The following AAK1 variants were observed in gnomAD, a reference collection of about 807,000 sequenced individuals.
The protein encoded by AAK1 is AP2 associated kinase 1.
A neutral mutation model predicts 116.0 loss-of-function variants in AAK1; 37 were observed. The ratio of observed to expected loss-of-function variants is 0.32; its 90% CI spans 0.25 to 0.42. The LOEUF (loss-of-function observed/expected upper bound fraction) is 0.42, where lower values mean the gene tolerates loss of function less well. Ranked by LOEUF, AAK1 falls within the 10% of genes least tolerant of loss-of-function variation. AAK1 has a pLI of 1.00. For missense variants in AAK1, 919 were observed against 1,170.6 expected (o/e 0.79, Z 3.14); for synonymous variants, 458 against 439.9 (o/e 1.04, Z -0.51).
At position 69,477,005 on chromosome 2, in the gene AAK1, CAAGTACACAAGCAGA is replaced by C. The variant is rs1674880701; in HGVS notation, c.2681-30_2681-16del. ...ATCTTCTGCAGCTTAATACAGAATGCAAGTACACAAGCAGAAACAACAGAGGCAGAGATTAGCAAA... is the reference window on the plus strand; with the variant it reads ...ATCTTCTGCAGCTTAATACAGAATGCAACAACAGAGGCAGAGATTAGCAAA... On this transcript the variant is annotated splice_polypyrimidine_tract_variant and intron_variant, in intron 20 of 21. Coordinates refer to ENST00000409085, the MANE Select transcript of AAK1 (RefSeq NM_014911.5). 6.4e-7 allele frequency: 1 copy of C among 1,557,284 alleles called. No individual in the cohort carries two copies. The highest frequency in any genetic ancestry group is 1.4e-5 in the African/African-American group (1 of 73,902).
intron 21 of AAK1, 33 bp downstream of exon 21, chr2:69,476,847 A>T (rs375265642): frequency 6.6e-7 from 1 of 1,519,700 alleles, no homozygotes; most frequent in Non-Finnish European, 9.1e-7. Context: ...AACTGAGGCC[A>T]AGCTCTTCTC....
intron 8 of AAK1, 41 bp from the exon 9 acceptor site, chr2:69,527,360 G>T: frequency 7.8e-7 from 1 of 1,288,344 alleles, no homozygotes; most frequent in Non-Finnish European, 1.1e-6. Flanking sequence ...TATTCCAACA[G>T]TTATTACACT....
chr2:69,544,240 A>AGTAGT, intron 4 of AAK1, 196 bp downstream of exon 4: 2 of 510,718 alleles, frequency 3.9e-6, no homozygotes, highest in South Asian at 7.0e-5. Context: ...ACAAAAATGG[A>AGTAGT]GTTCTATATT....
intron 3 of AAK1, among the ~76,000 whole-genome samples, chr2:69,555,218 T>G (rs945141513): frequency 1.3e-5 from 2 of 152,176 alleles, no homozygotes; most frequent in African/African-American, 4.8e-5. Flanking sequence ...AGAACAGGAA[T>G]CTGGAGCTAT....
At chr2:69,616,451 G>GTA (rs1253516282) in intron 2 of AAK1, among the ~76,000 whole-genome samples, 4 of 152,006 alleles carry the variant, frequency 2.6e-5, no homozygotes, top group African/African-American at 9.7e-5. Flanking sequence ...TCAAAGTAAA[G>GTA]TATATATAAA....
chr2:69,628,238 A>C (rs1466835534), intron 2 of AAK1, among the ~76,000 whole-genome samples: 1 of 151,208 alleles, frequency 6.6e-6, no homozygotes, highest in Non-Finnish European at 1.5e-5. Context: ...TTAAAACCAG[A>C]AGTTTGAGAC....
At chr2:69,502,391 G>A (rs1021529859) in intron 16 of AAK1, among the ~76,000 whole-genome samples, 1 of 152,030 alleles carries the variant, frequency 6.6e-6, no homozygotes, top group Non-Finnish European at 1.5e-5. Context: ...GGAGGCTGAG[G>A]CGGGAGGATC....
chr2:69,589,296 T>C (rs541882324), intron 2 of AAK1, among the ~76,000 whole-genome samples: 1 of 152,034 alleles, frequency 6.6e-6, no homozygotes, highest in African/African-American at 2.4e-5. Flanking sequence ...TATTGGACTC[T>C]GAAGCCGGGT....
chr2:69,540,777 A>C (rs1185315501), intron 5 of AAK1, among the ~76,000 whole-genome samples: 1 of 152,214 alleles, frequency 6.6e-6, no homozygotes, highest in Non-Finnish European at 1.5e-5. Context: ...TTCAAAACAT[A>C]TGTCCACACA....
Position 69,470,379 on chromosome 2 carries a change from A to G in AAK1, c.*5490T>C, listed in dbSNP as rs758053885. On this transcript the variant is annotated 3_prime_UTR_variant, in exon 22 of 22. Transcript: ENST00000409085. ...AAACTGGGGAAATCAAGAGACGTAC[A>G]TCAAACTAATAATTACCATGACCTT... The G allele has an allele frequency of 7.4e-5, 73 of 985,346 alleles. No homozygotes were observed. Among genetic ancestry groups the G allele is most frequent in the Non-Finnish European group, 8.7e-5 (72 of 829,942 alleles). 61.0% of individuals were successfully genotyped at this position (985,346 alleles called of 1,614,324 possible).
intron 2 of AAK1, among the ~76,000 whole-genome samples, chr2:69,633,882 T>C (rs1271062853): frequency 6.6e-6 from 1 of 151,944 alleles, no homozygotes; most frequent in East Asian, 1.9e-4. Context: ...AACAATGTTA[T>C]GAGAGGGCCG....
chr2:69,584,614 C>A (rs1019158825), intron 2 of AAK1, among the ~76,000 whole-genome samples: 4 of 152,166 alleles, frequency 2.6e-5, no homozygotes, highest in South Asian at 2.1e-4. Context: ...AACGTTACAT[C>A]ACATGACATG....
At position 69,468,674 on chromosome 2, in the gene AAK1, T is replaced by C; in HGVS notation, c.*7195A>G. 1.5e-5 allele frequency: 15 copies of C among 985,392 alleles called. No individual in the cohort carries two copies. The highest frequency in any genetic ancestry group is 1.8e-5 in the Non-Finnish European group (15 of 829,922). The allele number at this position is 985,392 out of a possible 1,614,324, so 61.0% of individuals were successfully genotyped here. ...TTTAAACTGAATTCAGTTAAAACAA[T>C]TTGTGCACAGAGACTGGCAAAAAAG... On this transcript the variant is annotated 3_prime_UTR_variant, in exon 22 of 22. Transcript: ENST00000409085.
At chr2:69,571,721 T>G (rs1213587750) in intron 2 of AAK1, among the ~76,000 whole-genome samples, 1 of 152,192 alleles carries the variant, frequency 6.6e-6, no homozygotes, top group African/African-American at 2.4e-5. Context: ...AAAACAGTAC[T>G]TGCATTAGTA....
chr2:69,533,025 C>T (rs990023310), intron 5 of AAK1, among the ~76,000 whole-genome samples: 23 of 151,986 alleles, frequency 1.5e-4, no homozygotes, highest in African/African-American at 3.1e-4. Context: ...ACTAGTATGC[C>T]GGAGGACAGA....
At chr2:69,500,666 T>TATATATATATA (rs1675932586) in intron 16 of AAK1, among the ~76,000 whole-genome samples, 1 of 68,984 alleles carries the variant, frequency 1.4e-5, no homozygotes, top group Non-Finnish European at 2.5e-5. Flanking sequence ...TCCCTTAAAA[T>TATATATATATA]ATATATATAT....
rs562997162 is a variant in AAK1 at position 69,471,761 on chromosome 2, C to G, written c.*4108G>C. ...AGTGCAGATCCCTCCACATCATAGG[C>G]TGTCAGCCCCAAAGATCCCTTCATT... On this transcript the variant is annotated 3_prime_UTR_variant, in exon 22 of 22. Coordinates refer to ENST00000409085, the MANE Select transcript of AAK1 (RefSeq NM_014911.5). 1 of 985,336 alleles carries G rather than the reference C, an allele frequency of 1.0e-6. No individual in the cohort carries two copies. Among genetic ancestry groups the G allele is most frequent in the African/African-American group, 1.7e-5 (1 of 57,234 alleles). The allele number at this position is 985,336 out of a possible 1,614,324, so 61.0% of individuals were successfully genotyped here. A position where few individuals can be genotyped will look rare whatever the true frequency, so the allele number is the denominator to read the frequency against.
chr2:69,482,884 T>C (rs1675149109), intron 17 of AAK1, 72 bp from the exon 18 acceptor site: 2 of 920,844 alleles, frequency 2.2e-6, no homozygotes, highest in Non-Finnish European at 3.5e-6. Context: ...TCATTCACTA[T>C]TCTTTAAGCA....
chr2:69,567,419 T>C (rs1264594026), intron 2 of AAK1, among the ~76,000 whole-genome samples: 1 of 152,216 alleles, frequency 6.6e-6, no homozygotes, highest in African/African-American at 2.4e-5. Flanking sequence ...TCTTCCCCTG[T>C]ACACTCTAAA....
Sources: gnomAD v4.1 joint callset for allele counts (sites outside exome capture counted in the v4.1 genomes callset) on GRCh38, gnomAD v4.1.1 for gene constraint, MANE v1.5 for transcripts, NCBI Gene and HGNC (gene_info 2026-07-23, HGNC 2026-07-21) for gene names.